PLEKHA8: variants seen among roughly 807,000 people sequenced by gnomAD.
PLEKHA8 encodes the protein pleckstrin homology domain-containing family A member 8.
A neutral mutation model predicts 68.2 loss-of-function variants in PLEKHA8; 36 were observed. The ratio of observed to expected loss-of-function variants is 0.53; its 90% CI spans 0.40 to 0.70. The LOEUF is 0.70. PLEKHA8 is among the 30% of genes least tolerant of loss of function. The pLI is 0.00. For missense variants in PLEKHA8, 505 were observed against 615.4 expected (o/e 0.82, Z 1.90); for synonymous variants, 211 against 216.1 (o/e 0.98, Z 0.20).
At chr7:30,087,159 T>A (rs1414800093), downstream of PLEKHA8, among the ~76,000 whole-genome samples, 10 of 152,212 alleles carry the variant, frequency 6.6e-5, no homozygotes, top group African/African-American at 2.4e-4. Flanking sequence ...GAAGTCAAAT[T>A]CTGCTTCAGA....
Position 30,083,907 on chromosome 7 carries a change from CTGTTTATAGGTGTATATGGAGTCAG to C in PLEKHA8, c.*5125_*5149del. The stretch of plus-strand genomic sequence containing the variant: ...CACACAGACTCCTGTGTATGCGTGT[CTGTTTATAGGTGTATATGGAGTCAG>C]TGTTGATAGGAAGGATGCTCTAGAA... On this transcript the variant is annotated 3_prime_UTR_variant, in exon 14 of 14. Transcript: ENST00000449726. The C allele has an allele frequency of 1.0e-6, 1 of 985,410 alleles. No homozygotes were observed. The highest frequency in any genetic ancestry group is 1.2e-6 in the Non-Finnish European group (1 of 829,922). 61.0% of individuals were successfully genotyped at this position (985,410 alleles called of 1,614,324 possible). A position where few individuals can be genotyped will look rare whatever the true frequency, so the allele number is the denominator to read the frequency against.
At chr7:30,060,091 C>T (rs1292517476) in intron 9 of PLEKHA8, among the ~76,000 whole-genome samples, 2 of 151,594 alleles carry the variant, frequency 1.3e-5, no homozygotes, top group African/African-American at 4.9e-5. Flanking sequence ...GAGCTGAGAT[C>T]ATGCCACTGC....
At chr7:30,117,580 T>G (rs905011055) in intron 13 of PLEKHA8, among the ~76,000 whole-genome samples, 1 of 151,980 alleles carries the variant, frequency 6.6e-6, no homozygotes, top group African/African-American at 2.4e-5. Context: ...GGCACACACC[T>G]GTAGTCCCAG....
intron 3 of PLEKHA8, among the ~76,000 whole-genome samples, chr7:30,047,041 G>C (rs1395867543): frequency 6.6e-6 from 1 of 152,202 alleles, no homozygotes; most frequent in African/African-American, 2.4e-5. Context: ...GAAGAGATGA[G>C]CTAGGGTGGG....
At position 30,080,327 on chromosome 7, in the gene PLEKHA8, G is replaced by A; in HGVS notation, c.*1540G>A. 1.0e-6 allele frequency: 1 copy of A among 985,324 alleles called. No individual in the cohort carries two copies. Among genetic ancestry groups the A allele is most frequent in the African/African-American group, 1.7e-5 (1 of 57,328 alleles). 61.0% of individuals were successfully genotyped at this position (985,324 alleles called of 1,614,324 possible). A position where few individuals can be genotyped will look rare whatever the true frequency, so the allele number is the denominator to read the frequency against. ...AGTGTGCATCGGAGAGAAGCCATGG[G>A]TACCTTCCCCATTAGAGGCTACTTC... On this transcript the variant is annotated 3_prime_UTR_variant, in exon 14 of 14. Transcript: ENST00000449726.
chr7:30,109,200 T>C (rs1440039019), intron 13 of PLEKHA8, among the ~76,000 whole-genome samples: 4 of 152,186 alleles, frequency 2.6e-5, no homozygotes, highest in African/African-American at 9.7e-5. Context: ...TAATTTTAGA[T>C]GTATAAAAAA....
chr7:30,094,988 G>A (rs975801986), downstream of PLEKHA8, among the ~76,000 whole-genome samples: 18 of 152,190 alleles, frequency 1.2e-4, no homozygotes, highest in Non-Finnish European at 1.2e-4. Flanking sequence ...ATAAACATAC[G>A]TGTGCATGTG....
rs1687897268 is a variant in PLEKHA8, at chr7:30,081,956, GA to G, written c.*3174del. The G allele has an allele frequency of 1.1e-6, 1 of 951,746 alleles. No individual in the cohort carries two copies. The highest frequency in any genetic ancestry group is 1.8e-5 in the African/African-American group (1 of 56,598). The allele number at this position is 951,746 out of a possible 1,614,324, so 59.0% of individuals were successfully genotyped here. A position where few individuals can be genotyped will look rare whatever the true frequency, so the allele number is the denominator to read the frequency against. ...CAGATTCCTTATAGCTAATGCTGGT[GA>G]AAAATGTTAAATTGGAGAGATCCCT... is the stretch of plus-strand genomic sequence containing the variant. On this transcript the variant is annotated 3_prime_UTR_variant, in exon 14 of 14. Transcript: ENST00000449726.
At chr7:30,128,071 A>G (rs555897566) in intron 13 of PLEKHA8, among the ~76,000 whole-genome samples, 36 of 150,022 alleles carry the variant, frequency 2.4e-4, no homozygotes, top group African/African-American at 8.3e-4. Flanking sequence ...TGTAAACAGC[A>G]TATAGATGAG....
chr7:30,120,864 T>C (rs548058448), intron 13 of PLEKHA8, among the ~76,000 whole-genome samples: 1 of 152,334 alleles, frequency 6.6e-6, no homozygotes, highest in Non-Finnish European at 1.5e-5. Context: ...AATGATCATG[T>C]AACTGATCAT....
downstream of PLEKHA8, among the ~76,000 whole-genome samples, chr7:30,095,521 T>G (rs1208518486): frequency 2.0e-5 from 3 of 152,368 alleles, no homozygotes; most frequent in East Asian, 5.8e-4. Flanking sequence ...AGAAGCTCTT[T>G]AGTTTAATTA....
intron 12 of PLEKHA8, among the ~76,000 whole-genome samples, chr7:30,065,084 G>A (rs1480018787): frequency 1.3e-5 from 2 of 152,104 alleles, no homozygotes; most frequent in Admixed American, 6.5e-5. Flanking sequence ...ATCAAATGTT[G>A]TACTTGATTT....
intron 6 of PLEKHA8, among the ~76,000 whole-genome samples, chr7:30,051,626 T>C (rs771290579): frequency 1.4e-4 from 21 of 152,286 alleles, no homozygotes; most frequent in Admixed American, 2.6e-4. Context: ...GACATTTCCC[T>C]CAGGATGTGA....
downstream of PLEKHA8, among the ~76,000 whole-genome samples, chr7:30,093,469 G>A (rs987573423): frequency 6.6e-6 from 1 of 152,202 alleles, no homozygotes; most frequent in Non-Finnish European, 1.5e-5. Flanking sequence ...CCACTATGTG[G>A]CTATGTCCTG....
At chr7:30,092,141 G>A (rs968265081), downstream of PLEKHA8, among the ~76,000 whole-genome samples, 1 of 152,162 alleles carries the variant, frequency 6.6e-6, no homozygotes, top group Non-Finnish European at 1.5e-5. Context: ...GGAGCTGGAA[G>A]ACTCCTTCGT....
In PLEKHA8 at chr7:30,078,995, A is replaced by C. The variant is rs572214083; in HGVS notation, c.*208A>C. On this transcript the variant is annotated 3_prime_UTR_variant, in exon 14 of 14. Coordinates refer to ENST00000449726, the MANE Select transcript of PLEKHA8 (RefSeq NM_001197026.2). ...AAGGTGCTATATATTTCAGTTCAGC[A>C]GGCCTACTGGAAACCAAATGATAAG... 5.3e-5 allele frequency: 71 copies of C among 1,338,096 alleles called. 1 individual carries two copies. The African/African-American group carries it at 9.6e-4, about 18-fold the overall frequency. 82.9% of individuals were successfully genotyped at this position (1,338,096 alleles called of 1,614,324 possible). A position where few individuals can be genotyped will look rare whatever the true frequency, so the allele number is the denominator to read the frequency against.
chr7:30,048,593 A>G (rs1792151283), intron 4 of PLEKHA8, among the ~76,000 whole-genome samples: 1 of 152,248 alleles, frequency 6.6e-6, no homozygotes, highest in Non-Finnish European at 1.5e-5. Flanking sequence ...GTGTTAAGCT[A>G]TGTATAGAAT....
Position 30,082,765 on chromosome 7 carries a change from CTT to C in PLEKHA8, c.*3979_*3980del. 1.0e-6 allele frequency: 1 copy of C among 984,928 alleles called. No individual in the cohort carries two copies. 61.0% of individuals were successfully genotyped at this position (984,928 alleles called of 1,614,324 possible). ...AGTAAGAGATTTTTTTTTAAGGAAACTTAATCTGATTGTGAAAATCATACATA... is the reference window on the plus strand; with the variant it reads ...AGTAAGAGATTTTTTTTTAAGGAAACAATCTGATTGTGAAAATCATACATA... On this transcript the variant is annotated 3_prime_UTR_variant, in exon 14 of 14. Coordinates refer to ENST00000449726, the MANE Select transcript of PLEKHA8 (RefSeq NM_001197026.2).
chr7:30,056,338 C>CT (rs1562870133), intron 9 of PLEKHA8, among the ~76,000 whole-genome samples: 15 of 102,108 alleles, frequency 1.5e-4, no homozygotes, highest in African/African-American at 5.4e-4. Context: ...ATATAAATAA[C>CT]ATATATATAA....
Sources: gnomAD v4.1 joint callset for allele counts (sites outside exome capture counted in the v4.1 genomes callset) on GRCh38, gnomAD v4.1.1 for gene constraint, MANE v1.5 for transcripts, NCBI Gene and HGNC (gene_info 2026-07-23, HGNC 2026-07-21) for gene names.